The following TMEM219 variants were observed in gnomAD, a reference collection of about 807,000 sequenced individuals.
The protein encoded by TMEM219 is transmembrane protein 219, also known as insulin-like growth factor-binding protein 3 receptor.
In TMEM219, 18 loss-of-function variants were observed where a neutral mutation model predicts 17.9. That is an observed-to-expected ratio of 1.01 (90% CI 0.70 to 1.49). The LOEUF is 1.49. Among genes scored for constraint, TMEM219 ranks in the 40% most tolerant of loss-of-function variants. TMEM219 has a pLI of 0.00. For missense variants in TMEM219, 288 were observed against 292.4 expected (o/e 0.99, Z 0.11); for synonymous variants, 113 against 124.0 (o/e 0.91, Z 0.59).
chr16:29,967,917 A>G (rs2069233819), intron 3 of TMEM219, 108 bp from the exon 4 acceptor site: 1 of 848,598 alleles, frequency 1.2e-6, no homozygotes, highest in South Asian at 1.7e-5. Context: ...ATAGAGCGAG[A>G]CTCCGCCTCA....
chr16:29,971,001 C>T (rs2069278516), intron 4 of TMEM219, among the ~76,000 whole-genome samples: 2 of 150,956 alleles, frequency 1.3e-5, no homozygotes, highest in Non-Finnish European at 1.5e-5. Context: ...AATCCCAGCA[C>T]TTTGGGAGGC....
chr16:29,967,744 A>AGG (rs2069230300), intron 3 of TMEM219, among the ~76,000 whole-genome samples: 2 of 151,464 alleles, frequency 1.3e-5, no homozygotes, highest in Non-Finnish European at 3.0e-5. Context: ...TGGCTACCAC[A>AGG]GTGAAACCCC....
At chr16:29,962,915 C>A in intron 1 of TMEM219, 192 bp from the exon 2 acceptor site, 1 of 590,530 alleles carries the variant, frequency 1.7e-6, no homozygotes, top group Non-Finnish European at 3.0e-6. Flanking sequence ...TAGATTACTT[C>A]AGAAATGAAA....
At chr16:29,963,949 G>A (rs567821672) in intron 3 of TMEM219, among the ~76,000 whole-genome samples, 21 of 151,242 alleles carry the variant, frequency 1.4e-4, no homozygotes, top group Non-Finnish European at 2.1e-4. Flanking sequence ...TTGGGAGTCC[G>A]AGAAGGGCAG....
Position 29,971,508 on chromosome 16 carries a change from C to A in TMEM219, c.686C>A (p.Pro229Gln). 6.2e-7 allele frequency: 1 copy of A among 1,613,862 alleles called. No individual in the cohort carries two copies. The highest frequency in any genetic ancestry group is 8.5e-7 in the Non-Finnish European group (1 of 1,179,966). ...TGTGTCACTGCTATGTGCTTCCACC[C>A]GCGCCGGGAGTCCCACTGGTCTAGA... ...LCCVTAMCFH[P>Q]RRESHWSRTR... is the part of the protein sequence containing the mutation. Residue 229 changes from proline (P) to glutamine (Q), a missense_variant, in exon 5 of 6, where the codon CCG becomes CAG. Pro to Gln is a moderately conservative substitution (Grantham distance 76). Transcript: ENST00000279396.
intron 3 of TMEM219, among the ~76,000 whole-genome samples, chr16:29,964,720 T>G (rs2069191462): frequency 7.1e-6 from 1 of 141,442 alleles, no homozygotes; most frequent in African/African-American, 2.7e-5. Flanking sequence ...CACAGAGGAC[T>G]GTGGGGTCGG....
intron 3 of TMEM219, among the ~76,000 whole-genome samples, chr16:29,966,181 G>A (rs894681127): frequency 1.9e-4 from 29 of 152,206 alleles, no homozygotes; most frequent in African/African-American, 7.0e-4. Context: ...TTACCCAATT[G>A]TTTTATTTAC....
At chr16:29,970,015 G>T (rs954966988) in intron 4 of TMEM219, among the ~76,000 whole-genome samples, 6 of 152,112 alleles carry the variant, frequency 3.9e-5, no homozygotes, top group African/African-American at 1.4e-4. Flanking sequence ...GCCAAGGCCG[G>T]TGGATCACTT....
chr16:29,971,257 A>AG (rs1219628747), intron 4 of TMEM219, 151 bp from the exon 5 acceptor site: 1 of 943,672 alleles, frequency 1.1e-6, no homozygotes, highest in Admixed American at 2.6e-5. Context: ...AAAAAAAAAA[A>AG]AAAAGACAAA....
chr16:29,963,516 C>G lies in TMEM219; in HGVS notation c.282C>G (p.Phe94Leu), dbSNP rs371821689. 2 of 1,614,142 alleles carry G rather than the reference C, an allele frequency of 1.2e-6. No individual in the cohort carries two copies. The highest frequency in any genetic ancestry group is 1.7e-6 in the Non-Finnish European group (2 of 1,180,038). ...TGGGCTTGCTGACCACCTTGAACTT[C>G]GGAGACGGTCCAGACAGGAACAAGA... ...HVVGLLTTLNFGDGPDRNKTR... is the reference protein window; with the variant it reads ...HVVGLLTTLNLGDGPDRNKTR... The change falls in exon 3 of 6, where the codon TTC becomes TTG. Residue 94 changes from phenylalanine (F) to leucine (L), a missense_variant. Phe to Leu is a conservative substitution (Grantham distance 22). Coordinates refer to ENST00000279396, the MANE Select transcript of TMEM219 (RefSeq NM_001083613.2).
At chr16:29,969,097 T>C (rs1000999790) in intron 4 of TMEM219, among the ~76,000 whole-genome samples, 6 of 151,498 alleles carry the variant, frequency 4.0e-5, no homozygotes, top group Non-Finnish European at 8.8e-5. Context: ...ACATCTGTAA[T>C]CCCAGCACTT....
intron 4 of TMEM219, 25 bp from the exon 5 acceptor site, chr16:29,971,383 C>G (rs1442898473): frequency 1.2e-6 from 2 of 1,613,856 alleles, no homozygotes; most frequent in Admixed American, 1.7e-5. Flanking sequence ...TGTCCTCCTC[C>G]TCCTCTCCCT....
intron 4 of TMEM219, 35 bp downstream of exon 4, chr16:29,968,289 G>C (rs375001967): frequency 9.3e-5 from 145 of 1,551,398 alleles, no homozygotes; most frequent in Non-Finnish European, 1.2e-4. Flanking sequence ...GGGTTTTGTA[G>C]ACTGCCTGCT....
At chr16:29,967,601 A>T (rs914744264) in intron 3 of TMEM219, among the ~76,000 whole-genome samples, 1 of 152,108 alleles carries the variant, frequency 6.6e-6, no homozygotes, top group African/African-American at 2.4e-5. Context: ...ACAAAGTGAG[A>T]CCCCATCTCA....
chr16:29,969,882 G>C (rs994206627), intron 4 of TMEM219, among the ~76,000 whole-genome samples: 2 of 152,092 alleles, frequency 1.3e-5, no homozygotes, highest in African/African-American at 4.8e-5. Context: ...CCTGGTGCTG[G>C]GTGGAGAATG....
intron 5 of TMEM219, 108 bp from the exon 6 acceptor site, chr16:29,972,842 T>G (rs1050576050): frequency 1.3e-5 from 2 of 152,214 alleles, no homozygotes; most frequent in East Asian, 3.9e-4. Flanking sequence ...CCCGTATTGG[T>G]CTCTAGCTGT....
At chr16:29,964,869 T>C (rs958520346) in intron 3 of TMEM219, among the ~76,000 whole-genome samples, 1 of 152,220 alleles carries the variant, frequency 6.6e-6, no homozygotes, top group African/African-American at 2.4e-5. Context: ...CTATGAATGC[T>C]TTCTTCCTCT....
rs146914566 is a variant in TMEM219, at chr16:29,970,567, A to G, written c.586-841A>G. ...TCTCAATCTCCTGACCTCGTGATCC[A>G]CCCACCTCGGCCTCTCAAAGTGCTG... On this transcript the variant is annotated intron_variant, in intron 4 of 5. Coordinates refer to ENST00000279396, the MANE Select transcript of TMEM219 (RefSeq NM_001083613.2). Among the ~76,000 whole-genome samples the G allele has an allele frequency of 4.0e-3, 608 of 151,752 alleles. 2 individuals are homozygous for G. The highest frequency in any genetic ancestry group is 0.014 in the African/African-American group (595 of 41,432).
At chr16:29,970,358 T>G (rs2069267782) in intron 4 of TMEM219, among the ~76,000 whole-genome samples, 1 of 147,266 alleles carries the variant, frequency 6.8e-6, no homozygotes, top group South Asian at 2.2e-4. Flanking sequence ...GGAGTCTTGC[T>G]CTATCGCCCA....
Sources: gnomAD v4.1 joint callset for allele counts (sites outside exome capture counted in the v4.1 genomes callset) on GRCh38, gnomAD v4.1.1 for gene constraint, MANE v1.5 for transcripts, NCBI Gene and HGNC (gene_info 2026-07-23, HGNC 2026-07-21) for gene names.